ENOSF1: variants seen among roughly 807,000 people sequenced by gnomAD.
ENOSF1 encodes the protein enolase superfamily member 1.
A neutral mutation model predicts 68.2 loss-of-function variants in ENOSF1; 73 were observed. The observed-to-expected ratio is 1.07, with a 90% CI of 0.89 to 1.30. The LOEUF is 1.30. Ranked by LOEUF, ENOSF1 falls within the 50% of genes most tolerant of loss-of-function variation. The pLI is 0.00. For missense variants in ENOSF1, 589 were observed against 554.5 expected (o/e 1.06, Z -0.62); for synonymous variants, 223 against 210.4 (o/e 1.06, Z -0.52).
At position 686,017 on chromosome 18, in the gene ENOSF1, T is replaced by C. The variant is rs376125674; in HGVS notation, c.654-9A>G. The C allele has an allele frequency of 1.1e-5, 17 of 1,611,672 alleles. No individual in the cohort carries two copies. The African/African-American group carries it at 1.5e-4, about 14-fold the overall frequency. Reference sequence around the variant, plus strand: ...CCACCTTTACTTTAAACCTAGAAAATGCATTTGGTTTGCTAGTTTAGACCT... The same window carrying C: ...CCACCTTTACTTTAAACCTAGAAAACGCATTTGGTTTGCTAGTTTAGACCT... On this transcript the variant is annotated splice_polypyrimidine_tract_variant and intron_variant, in intron 9 of 15. Transcript: ENST00000647584.
intron 11 of ENOSF1, among the ~76,000 whole-genome samples, chr18:679,943 C>T (rs1219416828): frequency 1.3e-5 from 2 of 152,130 alleles, no homozygotes; most frequent in African/African-American, 4.8e-5. Flanking sequence ...TTAAATGATT[C>T]CTGGTCTCAA....
chr18:694,044 C>A, intron 4 of ENOSF1, 136 bp from the exon 5 acceptor site: 1 of 1,077,878 alleles, frequency 9.3e-7, no homozygotes, highest in African/African-American at 1.6e-5. Context: ...GCTGCCTGCG[C>A]CTTCCGCCAT....
At chr18:693,300 T>C (rs2077389583) in intron 5 of ENOSF1, 2 of 1,258,790 alleles carry the variant, frequency 1.6e-6, no homozygotes, top group South Asian at 2.6e-5. Flanking sequence ...ATTCTTGGTG[T>C]CAAAGTGACT....
At chr18:692,658 G>C (rs1036333151) in intron 5 of ENOSF1, 127 of 961,352 alleles carry the variant, frequency 1.3e-4, no homozygotes, top group African/African-American at 2.3e-4. Flanking sequence ...CATTGAAAGG[G>C]AACAGGATCC....
chr18:672,627 G>A lies in ENOSF1; in HGVS notation c.*1678C>T. On this transcript the variant is annotated 3_prime_UTR_variant, in exon 16 of 16. Transcript: ENST00000647584. ...GAACTTACACCTGATGAGGCACCAG[G>A]CTCCTGATGCTGTGTAATGTCACAA... is the stretch of plus-strand genomic sequence containing the variant. 1 of 356,290 alleles carries A rather than the reference G, an allele frequency of 2.8e-6. No homozygotes were observed. Among genetic ancestry groups the A allele is most frequent in the Non-Finnish European group, 5.1e-6 (1 of 196,970 alleles). The allele number at this position is 356,290 out of a possible 1,614,324, so 22.1% of individuals were successfully genotyped here. A position where few individuals can be genotyped will look rare whatever the true frequency, so the allele number is the denominator to read the frequency against.
downstream of ENOSF1, among the ~76,000 whole-genome samples, chr18:666,641 G>C (rs979771033): frequency 6.6e-6 from 1 of 152,180 alleles, no homozygotes; most frequent in Non-Finnish European, 1.5e-5. Flanking sequence ...GCCACCTGGA[G>C]GAATTTGGGC....
intron 1 of ENOSF1, chr18:712,301 G>C: frequency 1.3e-6 from 2 of 1,506,478 alleles, no homozygotes; most frequent in African/African-American, 1.6e-5. Context: ...AAGCTGCCCG[G>C]GGCCCGCAGA....
chr18:666,594 G>A (rs536545438), downstream of ENOSF1, among the ~76,000 whole-genome samples: 5 of 152,310 alleles, frequency 3.3e-5, no homozygotes, highest in South Asian at 1.0e-3. Context: ...TGGAGAGCAG[G>A]TGTCTCATCT....
In ENOSF1 at chr18:673,384, C is replaced by A. The variant is rs2144437722; in HGVS notation, c.*921G>T. 4.4e-6 allele frequency: 1 copy of A among 227,200 alleles called. No homozygotes were observed. 14.1% of individuals were successfully genotyped at this position (227,200 alleles called of 1,614,324 possible). A position where few individuals can be genotyped will look rare whatever the true frequency, so the allele number is the denominator to read the frequency against. On this transcript the variant is annotated 3_prime_UTR_variant, in exon 16 of 16. Transcript: ENST00000647584. ...TTTTAAGAATTTCACAAGCTATTCCCTCAAATCTGAGGGAGCTGAGTAACA... is the reference window on the plus strand; with the variant it reads ...TTTTAAGAATTTCACAAGCTATTCCATCAAATCTGAGGGAGCTGAGTAACA...
rs1468078549 is a variant in ENOSF1, at chr18:693,332, CTTTTTTT to C, written c.423+543_423+549del. ...GACTGGATAGTATCTTTTCTTTTTT[CTTTTTTT>C]GAGACAGGGTCTTGCTCTGTCACCT... is the stretch of plus-strand genomic sequence containing the variant. On this transcript the variant is annotated intron_variant, in intron 5 of 15. Transcript: ENST00000647584. 11 of 1,207,578 alleles carry C rather than the reference CTTTTTTT, an allele frequency of 9.1e-6. No individual in the cohort carries two copies. The East Asian group carries it at 1.8e-4, about 19-fold the overall frequency. The allele number at this position is 1,207,578 out of a possible 1,614,324, so 74.8% of individuals were successfully genotyped here.
At chr18:690,472 G>T in intron 8 of ENOSF1, 77 bp downstream of exon 8, 1 of 1,492,274 alleles carries the variant, frequency 6.7e-7, no homozygotes, top group Non-Finnish European at 9.3e-7. Flanking sequence ...ACTGAGAGTA[G>T]TGGTATGAGG....
intron 2 of ENOSF1, among the ~76,000 whole-genome samples, chr18:704,568 C>T (rs1313326396): frequency 2.0e-5 from 3 of 149,280 alleles, no homozygotes; most frequent in African/African-American, 4.9e-5. Context: ...CCAATAAGTT[C>T]GTGTGCTCCT....
intron 1 of ENOSF1, chr18:712,293 G>A: frequency 3.9e-6 from 6 of 1,521,890 alleles, no homozygotes; most frequent in East Asian, 2.5e-5. Flanking sequence ...AAGTCGGGAA[G>A]CTGCCCGGGG....
intron 1 of ENOSF1, among the ~76,000 whole-genome samples, chr18:709,219 C>T (rs1018674412): frequency 5.9e-5 from 9 of 152,008 alleles, no homozygotes; most frequent in Middle Eastern, 3.2e-3. Flanking sequence ...AGGGTGGCAC[C>T]GAAGTCAGAA....
chr18:680,984 C>CTA (rs2076022791), intron 11 of ENOSF1, among the ~76,000 whole-genome samples: 1 of 152,186 alleles, frequency 6.6e-6, no homozygotes, highest in Admixed American at 6.5e-5. Flanking sequence ...GTAGCTGGGA[C>CTA]TATAGGTGGG....
downstream of ENOSF1, among the ~76,000 whole-genome samples, chr18:668,496 G>A (rs1401437138): frequency 6.6e-6 from 1 of 152,186 alleles, no homozygotes; most frequent in Non-Finnish European, 1.5e-5. Flanking sequence ...GAGGTTTCCT[G>A]ATGTTTCCAA....
chr18:688,420 G>A, intron 9 of ENOSF1, 154 bp downstream of exon 9: 1 of 815,006 alleles, frequency 1.2e-6, no homozygotes, highest in Non-Finnish European at 1.9e-6. Flanking sequence ...GAAAGAGCCT[G>A]GCCTAAGGGG....
chr18:690,134 A>T (rs1008602734), intron 8 of ENOSF1, among the ~76,000 whole-genome samples: 2 of 152,070 alleles, frequency 1.3e-5, no homozygotes, highest in African/African-American at 4.8e-5. Flanking sequence ...CATCCTTTAT[A>T]ATAAATGAGT....
chr18:686,337 AGAG>A (rs750024939), intron 9 of ENOSF1: 17 of 298,928 alleles, frequency 5.7e-5, no homozygotes, highest in Non-Finnish European at 8.8e-5. Flanking sequence ...TGAGAACTGA[AGAG>A]GAGAGCGGGG....
Sources: allele counts gnomAD v4.1 joint callset (sites outside exome capture counted in the v4.1 genomes callset), GRCh38; gene constraint gnomAD v4.1.1; transcripts MANE v1.5; gene names NCBI Gene and HGNC (gene_info 2026-07-23, HGNC 2026-07-21).